PLEKHG1: variants seen among roughly 807,000 people sequenced by gnomAD.
PLEKHG1 encodes the protein pleckstrin homology domain-containing family G member 1.
PLEKHG1 carries 44 observed loss-of-function variants against 100.8 expected under a neutral mutation model. That is an observed-to-expected ratio of 0.44 (90% CI 0.34 to 0.56). PLEKHG1 has a LOEUF of 0.56. Ranked by LOEUF, PLEKHG1 falls within the 20% of genes least tolerant of loss-of-function variation. The pLI, the probability that PLEKHG1 is intolerant of heterozygous loss-of-function variation, is 0.01. For synonymous variants in PLEKHG1, 640 were observed against 662.5 expected (o/e 0.97, Z 0.52); for missense variants, 1,545 against 1,720.9 (o/e 0.90, Z 1.81).
chr6:150,677,566 G>A (rs1582929116), intron 3 of PLEKHG1, among the ~76,000 whole-genome samples: 1 of 152,032 alleles, frequency 6.6e-6, no homozygotes, highest in Non-Finnish European at 1.5e-5. Context: ...GACTCAGTTG[G>A]GGGCCCACTT....
At chr6:150,826,825 G>A (rs1776635524) in intron 14 of PLEKHG1, among the ~76,000 whole-genome samples, 1 of 151,996 alleles carries the variant, frequency 6.6e-6, no homozygotes, top group East Asian at 1.9e-4. Flanking sequence ...TTTTTGTAGA[G>A]ACAAGGTCTG....
At chr6:150,767,459 A>T (rs1784505566) in intron 2 of PLEKHG1, among the ~76,000 whole-genome samples, 1 of 152,230 alleles carries the variant, frequency 6.6e-6, no homozygotes, top group Admixed American at 6.5e-5. Flanking sequence ...TTTAGTATGA[A>T]AGCACTAGAA....
intron 4 of PLEKHG1, among the ~76,000 whole-genome samples, chr6:150,789,008 T>C (rs1403516458): frequency 6.6e-6 from 1 of 152,214 alleles, no homozygotes; most frequent in African/African-American, 2.4e-5. Context: ...CCGTATGCTG[T>C]TTACATATTA....
chr6:150,634,085 CAACA>C (rs957625098), intron 1 of PLEKHG1, among the ~76,000 whole-genome samples: 8 of 145,854 alleles, frequency 5.5e-5, no homozygotes, highest in African/African-American at 1.8e-4. Context: ...CTACTAACAA[CAACA>C]AAAAAAAATC....
intron 1 of PLEKHG1, among the ~76,000 whole-genome samples, chr6:150,628,563 C>T (rs1777603057): frequency 6.6e-6 from 1 of 150,596 alleles, no homozygotes; most frequent in Non-Finnish European, 1.5e-5. Context: ...CACACACACA[C>T]ACACACACAC....
chr6:150,730,962 C>A (rs1782219430), intron 1 of PLEKHG1, among the ~76,000 whole-genome samples: 1 of 151,838 alleles, frequency 6.6e-6, no homozygotes, highest in Admixed American at 6.6e-5. Flanking sequence ...CTCATTGGAC[C>A]CTTGGGATCT....
At chr6:150,652,720 CAA>C (rs199612130) in intron 3 of PLEKHG1, among the ~76,000 whole-genome samples, 20 of 81,942 alleles carry the variant, frequency 2.4e-4, no homozygotes, top group East Asian at 3.3e-4. Context: ...AACTGTGTCT[CAA>C]AAAAAAAAAA....
chr6:150,687,881 A>C (rs573961419), intron 3 of PLEKHG1, among the ~76,000 whole-genome samples: 136 of 152,296 alleles, frequency 8.9e-4, no homozygotes, highest in African/African-American at 3.2e-3. Flanking sequence ...TCTATAGCTA[A>C]TCTACTTTTA....
chr6:150,830,475 A>G (rs1357885712), intron 14 of PLEKHG1, 107 bp from the exon 16 acceptor site: 5 of 771,952 alleles, frequency 6.5e-6, no homozygotes, highest in Non-Finnish European at 1.0e-5. Flanking sequence ...ATAAAAGAAT[A>G]TTAAAGCCTA....
chr6:150,675,011 C>T (rs1322336404), intron 3 of PLEKHG1, among the ~76,000 whole-genome samples: 1 of 152,074 alleles, frequency 6.6e-6, no homozygotes, highest in African/African-American at 2.4e-5. Flanking sequence ...AAAAGACACA[C>T]ACAAATTGCA....
intron 2 of PLEKHG1, among the ~76,000 whole-genome samples, chr6:150,735,153 AT>A (rs1361137111): frequency 6.6e-6 from 1 of 151,826 alleles, no homozygotes. Context: ...CACCCAGCTA[AT>A]TTTGTATTTT....
chr6:150,769,326 A>C (rs910739331), intron 3 of PLEKHG1, among the ~76,000 whole-genome samples: 4 of 152,186 alleles, frequency 2.6e-5, no homozygotes, highest in African/African-American at 9.7e-5. Context: ...TCACACCTGT[A>C]ATCCCAGCAC....
intron 5 of PLEKHG1, among the ~76,000 whole-genome samples, chr6:150,796,762 A>T (rs762230937): frequency 1.2e-4 from 18 of 152,042 alleles, no homozygotes; most frequent in Non-Finnish European, 2.1e-4. Context: ...TTCATAGATG[A>T]AGTAACTGAG....
chr6:150,704,814 C>T (rs559971480), intron 3 of PLEKHG1, among the ~76,000 whole-genome samples: 1 of 152,356 alleles, frequency 6.6e-6, no homozygotes, highest in African/African-American at 2.4e-5. Context: ...GATCAAGGTG[C>T]TAGTGGGGTT....
Position 150,764,281 on chromosome 6 carries a change from G to A in PLEKHG1, c.412-4357G>A, listed in dbSNP as rs1490925461. Reference sequence around the variant, plus strand: ...TAACAGGTGCCTGCCACCATGCCCCGCTAAATTTTGTATTTTTAGTAGAGA... The same window carrying A: ...TAACAGGTGCCTGCCACCATGCCCCACTAAATTTTGTATTTTTAGTAGAGA... On this transcript the variant is annotated intron_variant, in intron 2 of 15. Coordinates refer to ENST00000358517, the Ensembl canonical transcript of PLEKHG1. Among the ~76,000 whole-genome samples, 9 of 151,866 alleles carry A rather than the reference G, an allele frequency of 5.9e-5. 1 individual carries two copies. In the East Asian group the frequency reaches 9.7e-4, roughly 16 times the overall value.
intron 3 of PLEKHG1, chr6:150,662,679 A>G (rs1264350724): frequency 1.3e-5 from 2 of 152,310 alleles, no homozygotes; most frequent in African/African-American, 4.8e-5. Context: ...TGCTAGGATT[A>G]TAGGCGTGAG....
chr6:150,611,794 A>C (rs1284173791), intron 1 of PLEKHG1, among the ~76,000 whole-genome samples: 2 of 147,276 alleles, frequency 1.4e-5, no homozygotes, highest in Non-Finnish European at 3.0e-5. Context: ...CCTGGGTGAC[A>C]GAGTGAGACT....
chr6:150,678,148 T>C (rs1779825809), intron 3 of PLEKHG1, among the ~76,000 whole-genome samples: 1 of 137,868 alleles, frequency 7.3e-6, no homozygotes, highest in Non-Finnish European at 1.5e-5. Context: ...GTCAGGACAT[T>C]TAAAATCCAT....
chr6:150,843,027 T>G (rs1436548356), exon 16 of PLEKHG1: 1 of 152,236 alleles, frequency 6.6e-6, no homozygotes, highest in African/African-American at 2.4e-5. Context: ...AGTATGTTTT[T>G]AGAGGTGTGT....
Sources: gnomAD v4.1 joint callset for allele counts (sites outside exome capture counted in the v4.1 genomes callset) on GRCh38, gnomAD v4.1.1 for gene constraint, MANE v1.5 for transcripts, NCBI Gene and HGNC (gene_info 2026-07-23, HGNC 2026-07-21) for gene names.